Variants in DDAH1 observed in about 807,000 individuals in gnomAD.
The protein encoded by DDAH1 is N(G),N(G)-dimethylarginine dimethylaminohydrolase 1.
A neutral mutation model predicts 28.8 loss-of-function variants in DDAH1; 19 were observed. The observed-to-expected ratio is 0.66, with a 90% CI of 0.46 to 0.97. DDAH1 has a LOEUF of 0.97. Ranked by LOEUF, DDAH1 falls within the 50% of genes least tolerant of loss-of-function variation. The pLI is 0.00. For missense variants in DDAH1, 326 were observed against 375.9 expected, an observed-to-expected ratio of 0.87 and a Z score of 1.10; for synonymous variants, 153 against 154.4, an observed-to-expected ratio of 0.99 and a Z score of 0.07.
intron 1 of DDAH1, among the ~76,000 whole-genome samples, chr1:85,511,547 C>A (rs547252585): frequency 6.6e-6 from 1 of 152,168 alleles, no homozygotes; most frequent in African/African-American, 2.4e-5. Flanking sequence ...TTCAAAAAAT[C>A]AATGAATCCA....
At chr1:85,465,204 A>G (rs182328457), upstream of DDAH1, 2 of 1,127,052 alleles carry the variant, frequency 1.8e-6, no homozygotes, top group African/African-American at 1.6e-5. Context: ...TGCCCGCGCG[A>G]CTGAGCATGC....
At chr1:85,368,739 A>G (rs960847966) in intron 1 of DDAH1, among the ~76,000 whole-genome samples, 1 of 152,202 alleles carries the variant, frequency 6.6e-6, no homozygotes, top group African/African-American at 2.4e-5. Context: ...GGGAACTGAC[A>G]AGTTTATAAA....
At chr1:85,452,646 T>G (rs1146383) in intron 1 of DDAH1, among the ~76,000 whole-genome samples, 1 of 151,926 alleles carries the variant, frequency 6.6e-6, no homozygotes. Flanking sequence ...AACAAACTCA[T>G]AGTGTTATAG....
At chr1:85,483,687 T>C (rs986003142) in intron 2 of DDAH1, among the ~76,000 whole-genome samples, 2 of 152,196 alleles carry the variant, frequency 1.3e-5, no homozygotes, top group Admixed American at 6.5e-5. Context: ...CAAATTTTGT[T>C]ACTAAAACTT....
intron 1 of DDAH1, among the ~76,000 whole-genome samples, chr1:85,548,293 A>G (rs1658685186): frequency 1.3e-5 from 2 of 152,194 alleles, no homozygotes; most frequent in South Asian, 4.1e-4. Flanking sequence ...GGTAGGTATA[A>G]TTGTCATCCA....
chr1:85,520,830 G>A (rs1657658082), intron 1 of DDAH1, among the ~76,000 whole-genome samples: 1 of 152,132 alleles, frequency 6.6e-6, no homozygotes, highest in Admixed American at 6.5e-5. Context: ...CATAAACACA[G>A]GAATATGTCA....
intron 1 of DDAH1, among the ~76,000 whole-genome samples, chr1:85,566,635 A>C (rs571995856): frequency 1.3e-5 from 2 of 152,322 alleles, no homozygotes; most frequent in African/African-American, 4.8e-5. Context: ...TTCAAATAGC[A>C]TATAAATACT....
chr1:85,371,486 G>GTAA (rs1650382064), intron 1 of DDAH1, among the ~76,000 whole-genome samples: 1 of 152,100 alleles, frequency 6.6e-6, no homozygotes, highest in Admixed American at 6.6e-5. Context: ...GGGCAACACA[G>GTAA]TAATACTCTA....
intron 1 of DDAH1, among the ~76,000 whole-genome samples, chr1:85,404,138 A>T (rs1258771773): frequency 6.6e-6 from 1 of 152,206 alleles, no homozygotes. Flanking sequence ...GGCTTATGGA[A>T]TTTTTCTTTA....
intron 1 of DDAH1, among the ~76,000 whole-genome samples, chr1:85,439,127 C>T (rs757350029): frequency 6.6e-6 from 1 of 150,664 alleles, no homozygotes; most frequent in Non-Finnish European, 1.5e-5. Context: ...TATAATCAGT[C>T]ATTGTTATTT....
intron 4 of DDAH1, among the ~76,000 whole-genome samples, chr1:85,341,702 A>G (rs1440777766): frequency 6.6e-6 from 1 of 152,096 alleles, no homozygotes; most frequent in Non-Finnish European, 1.5e-5. Flanking sequence ...AGTCCCAGCT[A>G]CTCGGGAGGC....
At chr1:85,498,489 T>G (rs1656677064) in intron 1 of DDAH1, among the ~76,000 whole-genome samples, 1 of 152,256 alleles carries the variant, frequency 6.6e-6, no homozygotes, top group Non-Finnish European at 1.5e-5. Context: ...GTAGGTTTTT[T>G]ATACTACACA....
intron 2 of DDAH1, among the ~76,000 whole-genome samples, chr1:85,472,573 G>A (rs1025822169): frequency 2.6e-5 from 4 of 152,174 alleles, no homozygotes; most frequent in East Asian, 1.9e-4. Flanking sequence ...AATAACCCAC[G>A]GATGCCAGAG....
chr1:85,421,285 C>T (rs1448830160), intron 1 of DDAH1, among the ~76,000 whole-genome samples: 2 of 152,162 alleles, frequency 1.3e-5, no homozygotes, highest in Admixed American at 1.3e-4. Flanking sequence ...ACTGTACATT[C>T]TTTTTGTGTT....
chr1:85,500,093 C>T, intron 1 of DDAH1, among the ~76,000 whole-genome samples: 1 of 149,770 alleles, frequency 6.7e-6, no homozygotes, highest in South Asian at 2.1e-4. Context: ...TTCCTTCCTT[C>T]CCTCCTTCCT....
intron 1 of DDAH1, among the ~76,000 whole-genome samples, chr1:85,371,816 G>A (rs1263350687): frequency 6.6e-6 from 1 of 152,186 alleles, no homozygotes; most frequent in Non-Finnish European, 1.5e-5. Context: ...TATCCTCAAT[G>A]ATTGCTGCAT....
intron 1 of DDAH1, among the ~76,000 whole-genome samples, chr1:85,506,042 C>G (rs769029175): frequency 2.0e-5 from 3 of 152,156 alleles, no homozygotes; most frequent in Admixed American, 1.3e-4. Context: ...GGCTATTAAT[C>G]ATGAGGATTC....
At chr1:85,336,937 ACTC>A (rs942875813) in intron 4 of DDAH1, among the ~76,000 whole-genome samples, 13 of 152,132 alleles carry the variant, frequency 8.5e-5, no homozygotes, top group Non-Finnish European at 1.3e-4. Flanking sequence ...TAGACACAAA[ACTC>A]CTCAACAAAA....
At chr1:85,519,424 A>C (rs1349155500) in intron 1 of DDAH1, among the ~76,000 whole-genome samples, 1 of 152,188 alleles carries the variant, frequency 6.6e-6, no homozygotes, top group Non-Finnish European at 1.5e-5. Context: ...ACAGATTAAG[A>C]CTGAGAAGAT....
Sources: gnomAD v4.1 joint callset for allele counts (sites outside exome capture counted in the v4.1 genomes callset) on GRCh38, gnomAD v4.1.1 for gene constraint, MANE v1.5 for transcripts, NCBI Gene and HGNC (gene_info 2026-07-23, HGNC 2026-07-21) for gene names.